The following DPH6 variants were observed in gnomAD, a reference collection of about 807,000 sequenced individuals.
DPH6 encodes the protein diphthamine biosynthesis 6.
A neutral mutation model predicts 38.2 loss-of-function variants in DPH6; 33 were observed. The observed-to-expected ratio is 0.86, with a 90% CI of 0.65 to 1.15. The LOEUF is 1.15. DPH6 is among the 50% of genes most tolerant of loss of function. DPH6 has a pLI of 0.00. For missense variants in DPH6, 325 were observed against 320.0 expected (o/e 1.02, Z -0.12); for synonymous variants, 108 against 103.0 (o/e 1.05, Z -0.30).
chr15:35,411,039 T>C (rs1328387773), intron 5 of DPH6, 143 bp from the exon 6 acceptor site: 3 of 654,278 alleles, frequency 4.6e-6, no homozygotes, highest in Non-Finnish European at 7.2e-6. Context: ...AAAATGTACT[T>C]TGCTAGTATT....
chr15:35,204,679 T>G, the DPH6 span, among the ~76,000 whole-genome samples: 15 of 151,938 alleles, frequency 9.9e-5, no homozygotes, highest in African/African-American at 2.9e-4. Context: ...ATTGAATCAC[T>G]ATAAATGTAA....
At chr15:35,369,473 T>G (rs1044392227), downstream of DPH6, among the ~76,000 whole-genome samples, 1 of 151,742 alleles carries the variant, frequency 6.6e-6, no homozygotes, top group Non-Finnish European at 1.5e-5. Context: ...CTTCATTTTC[T>G]GTCTAAAGAA....
intron 3 of DPH6, among the ~76,000 whole-genome samples, chr15:35,280,717 T>C (rs76014077): frequency 0.03 from 4,579 of 152,264 alleles, 231 homozygotes; most frequent in African/African-American, 0.1. Flanking sequence ...CATTATTAAG[T>C]AGGTAAGGTA....
intron 3 of DPH6, among the ~76,000 whole-genome samples, chr15:35,292,494 G>C (rs986170872): frequency 4.6e-5 from 7 of 152,084 alleles, no homozygotes; most frequent in Non-Finnish European, 8.8e-5. Context: ...TAAATGTTCA[G>C]GACTAATATG....
chr15:35,175,176 T>G, the DPH6 span, among the ~76,000 whole-genome samples: 71 of 152,314 alleles, frequency 4.7e-4, no homozygotes, highest in East Asian at 0.013. Flanking sequence ...ATACTGTACA[T>G]TGCCTGACCT....
At chr15:35,539,671 A>G (rs889899702) in intron 2 of DPH6, among the ~76,000 whole-genome samples, 3 of 152,106 alleles carry the variant, frequency 2.0e-5, no homozygotes, top group Admixed American at 2.0e-4. Flanking sequence ...CTATTAAAAA[A>G]ATTACAAAGT....
chr15:35,216,308 C>T (rs764160606), downstream of DPH6, among the ~76,000 whole-genome samples: 5 of 152,294 alleles, frequency 3.3e-5, no homozygotes, highest in South Asian at 2.1e-4. Context: ...GAAAACCATA[C>T]GATCTCACAA....
At chr15:35,220,188 A>C (rs2051433823) in exon 4 of DPH6, 1 of 152,038 alleles carries the variant, frequency 6.6e-6, no homozygotes, top group Admixed American at 6.6e-5. Flanking sequence ...TAGATTTTTG[A>C]CTACTTTTAT....
At chr15:35,250,270 A>C (rs970874166) in intron 3 of DPH6, among the ~76,000 whole-genome samples, 11 of 152,100 alleles carry the variant, frequency 7.2e-5, no homozygotes, top group African/African-American at 2.4e-4. Flanking sequence ...TTTCCAGGTG[A>C]CTAGAGCTTC....
At chr15:35,441,165 T>C (rs1213750655) in intron 5 of DPH6, among the ~76,000 whole-genome samples, 1 of 152,212 alleles carries the variant, frequency 6.6e-6, no homozygotes, top group Non-Finnish European at 1.5e-5. Context: ...AATCAACAGT[T>C]GCTGGAGAGG....
intron 3 of DPH6, among the ~76,000 whole-genome samples, chr15:35,464,287 T>A (rs953565020): frequency 1.4e-5 from 2 of 144,594 alleles, no homozygotes. Flanking sequence ...GGCAAGACTT[T>A]GTCTCAAAAA....
chr15:35,343,505 A>G (rs1177802535), intron 3 of DPH6, among the ~76,000 whole-genome samples: 1 of 152,018 alleles, frequency 6.6e-6, no homozygotes, highest in Admixed American at 6.6e-5. Context: ...TTCTATGAAT[A>G]CCACACAAAA....
intron 5 of DPH6, among the ~76,000 whole-genome samples, chr15:35,436,514 C>CAAAAAAAAAAAAAAAAAAAAAAAAAAAAA (rs1277172991): frequency 1.6e-5 from 2 of 123,200 alleles, no homozygotes; most frequent in African/African-American, 3.3e-5. Context: ...CAAAACAAAA[C>CAAAAAAAAAAAAAAAAAAAAAAAAAAAAA]AAAAAAGGTT....
intron 6 of DPH6, among the ~76,000 whole-genome samples, chr15:35,395,000 C>T (rs1458388936): frequency 6.6e-6 from 1 of 151,888 alleles, no homozygotes; most frequent in Non-Finnish European, 1.5e-5. Context: ...AATTGTGCTC[C>T]ATCTGATAGG....
At chr15:35,539,936 T>G (rs367666617) in intron 2 of DPH6, among the ~76,000 whole-genome samples, 2 of 152,072 alleles carry the variant, frequency 1.3e-5, no homozygotes, top group Non-Finnish European at 2.9e-5. Context: ...CTGGTCCCAG[T>G]AGGAAGTAGA....
At chr15:35,458,101 T>C (rs1430499854) in intron 3 of DPH6, among the ~76,000 whole-genome samples, 1 of 152,252 alleles carries the variant, frequency 6.6e-6, no homozygotes. Context: ...ATAGCTGCCA[T>C]ACTGTATTTT....
rs201989944 is a variant in DPH6 at position 35,381,814 on chromosome 15, T to C, written c.662+8A>G. On this transcript the variant is annotated splice_region_variant and intron_variant, in intron 7 of 8. Transcript: ENST00000256538. ...GGAAAAAAAGAAAATGCTGAAATGA[T>C]ATCTTACACAATTATTTTCTTCTTA... is the stretch of plus-strand genomic sequence containing the variant. 1.3e-6 allele frequency: 2 copies of C among 1,597,508 alleles called. No individual in the cohort carries two copies. The highest frequency in any genetic ancestry group is 4.5e-5 in the East Asian group (2 of 44,668).
intron 3 of DPH6, chr15:35,521,928 A>G (rs1367219693): frequency 1.4e-6 from 2 of 1,418,954 alleles, no homozygotes; most frequent in Non-Finnish European, 1.8e-6. Context: ...GAATACATGG[A>G]AAGTTCATTT....
the DPH6 span, among the ~76,000 whole-genome samples, chr15:35,154,742 T>C: frequency 2.0e-5 from 3 of 152,186 alleles, no homozygotes; most frequent in African/African-American, 4.8e-5. Flanking sequence ...TTGGGATTAT[T>C]ACAGTGGCAG....
Sources: allele counts gnomAD v4.1 joint callset (sites outside exome capture counted in the v4.1 genomes callset), GRCh38; gene constraint gnomAD v4.1.1; transcripts MANE v1.5; gene names NCBI Gene and HGNC (gene_info 2026-07-23, HGNC 2026-07-21).